Variants in MLANA observed in about 807,000 individuals in gnomAD.
MLANA encodes the protein melanoma antigen recognized by T-cells 1.
In MLANA, 21 loss-of-function variants were observed where a neutral mutation model predicts 15.7. The ratio of observed to expected loss-of-function variants is 1.33; its 90% CI spans 0.95 to 1.92. MLANA has a LOEUF of 1.92. Among genes scored for constraint, MLANA ranks in the 40% most tolerant of loss-of-function variants. The pLI is 0.00. For synonymous variants in MLANA, 56 were observed against 51.5 expected (o/e 1.09, Z -0.37); for missense variants, 164 against 143.8 (o/e 1.14, Z -0.72).
At chr9:5,908,597 A>G in intron 4 of MLANA, 43 bp from the exon 5 acceptor site, 1 of 1,514,776 alleles carries the variant, frequency 6.6e-7, no homozygotes, top group Non-Finnish European at 9.2e-7. Context: ...AGAAACACAT[A>G]CACTGTTGCC....
intron 2 of MLANA, among the ~76,000 whole-genome samples, chr9:5,895,157 A>G (rs1017722724): frequency 6.6e-6 from 1 of 152,232 alleles, no homozygotes; most frequent in Non-Finnish European, 1.5e-5. Flanking sequence ...TCAGATGGCC[A>G]AAGCTTCCAG....
chr9:5,893,908 G>GC (rs1237336207), intron 2 of MLANA, among the ~76,000 whole-genome samples: 1 of 108,220 alleles, frequency 9.2e-6, no homozygotes, highest in African/African-American at 3.8e-5. Flanking sequence ...CTCCACCCCC[G>GC]CCCCCCGCCC....
At chr9:5,901,135 A>C (rs1832394257) in intron 3 of MLANA, among the ~76,000 whole-genome samples, 1 of 152,236 alleles carries the variant, frequency 6.6e-6, no homozygotes, top group South Asian at 2.1e-4. Flanking sequence ...GAGGCTTAAA[A>C]AAAAAAGAAA....
chr9:5,905,003 G>C (rs928644997), intron 3 of MLANA, among the ~76,000 whole-genome samples: 1 of 150,820 alleles, frequency 6.6e-6, no homozygotes, highest in Admixed American at 6.6e-5. Flanking sequence ...TCAATCTCCT[G>C]ACCTCGTGAT....
At chr9:5,897,155 G>T (rs1832082158) in intron 2 of MLANA, among the ~76,000 whole-genome samples, 1 of 152,230 alleles carries the variant, frequency 6.6e-6, no homozygotes, top group Non-Finnish European at 1.5e-5. Flanking sequence ...TAGTAGATGA[G>T]TCAGTGTTAA....
intron 4 of MLANA, among the ~76,000 whole-genome samples, chr9:5,907,886 G>A (rs1275655315): frequency 1.3e-5 from 2 of 152,220 alleles, no homozygotes; most frequent in African/African-American, 2.4e-5. Context: ...CCGGGAGGTG[G>A]AGGTTGCAGT....
chr9:5,905,042 C>T (rs112758286), intron 3 of MLANA, among the ~76,000 whole-genome samples: 1,539 of 151,904 alleles, frequency 0.01, 24 homozygotes, highest in African/African-American at 0.035. Flanking sequence ...CAAAGTGCTG[C>T]GATTACAGGT....
Position 5,908,845 on chromosome 9 carries a change from A to G in MLANA, c.*137A>G, listed in dbSNP as rs543854573. On this transcript the variant is annotated 3_prime_UTR_variant, in exon 5 of 5. Transcript: ENST00000381477. ...CATCTCTAATAATAAGTCAGTGTTA[A>G]AATTTTAGTAGGTCCGCTAGCAGTA... 4.1e-6 allele frequency: 3 copies of G among 735,190 alleles called. No individual in the cohort carries two copies. The highest frequency in any genetic ancestry group is 3.6e-5 in the South Asian group (2 of 56,246). 45.5% of individuals were successfully genotyped at this position (735,190 alleles called of 1,614,324 possible).
intron 2 of MLANA, among the ~76,000 whole-genome samples, chr9:5,895,160 G>A (rs1831929774): frequency 2.6e-5 from 4 of 152,182 alleles, no homozygotes; most frequent in Admixed American, 2.6e-4. Context: ...GATGGCCAAA[G>A]CTTCCAGCAC....
intron 3 of MLANA, 44 bp downstream of exon 3, chr9:5,897,697 C>A: frequency 6.6e-7 from 1 of 1,512,596 alleles, no homozygotes; most frequent in Non-Finnish European, 9.2e-7. Flanking sequence ...AGTCCAGGGC[C>A]CTCTTTCCAG....
At chr9:5,896,301 A>G (rs1832013467) in intron 2 of MLANA, among the ~76,000 whole-genome samples, 1 of 152,232 alleles carries the variant, frequency 6.6e-6, no homozygotes, top group Non-Finnish European at 1.5e-5. Flanking sequence ...ATTGGTGCTC[A>G]ATGAATGGTA....
rs1365780498 is a variant in MLANA, at chr9:5,906,946, T to G, written c.236T>G (p.Phe79Cys). 5 of 1,598,852 alleles carry G rather than the reference T, an allele frequency of 3.1e-6. No individual in the cohort carries two copies. Among genetic ancestry groups the G allele is most frequent in the Non-Finnish European group, 4.3e-6 (5 of 1,174,066 alleles). ...ALTRRCPQEG[F>C]DHRDSKVSLQ... ...ACAAGAAGATGCCCACAAGAAGGGT[T>G]TGATCATCGGGACAGCAAAGTGTCT... Residue 79 changes from phenylalanine to cysteine, a missense_variant, in exon 4 of 5, where the codon TTT becomes TGT. Physicochemically the swap from Phe to Cys is radical, Grantham distance 205. Transcript: ENST00000381477.
rs766274281 is a variant in MLANA, at chr9:5,892,543, G to A, written c.69G>A (p.Thr23=). ...PKKGHGHSYT[T]AEEAAGIGIL... is the part of the protein sequence containing the mutation. The stretch of plus-strand genomic sequence containing the variant: ...AGGGGCACGGCCACTCTTACACCAC[G>A]GCTGAAGAGTAAGTTCAAAACCAGA... Residue 23 remains threonine (T), a synonymous_variant, in exon 2 of 5, where the codon ACG becomes ACA. Coordinates refer to ENST00000381477, the MANE Select transcript of MLANA (RefSeq NM_005511.2). 1.2e-5 allele frequency: 20 copies of A among 1,612,558 alleles called. No homozygotes were observed. Among genetic ancestry groups the A allele is most frequent in the Middle Eastern group, 1.7e-4 (1 of 5,988 alleles).
chr9:5,891,123 T>G (rs1198240963), intron 1 of MLANA, 187 bp downstream of exon 1: 2 of 152,186 alleles, frequency 1.3e-5, no homozygotes, highest in Non-Finnish European at 1.5e-5. Context: ...GAATCCTCTC[T>G]CAGTCCTCCA....
At chr9:5,891,382 T>C (rs1012145150) in intron 1 of MLANA, 4 of 152,216 alleles carry the variant, frequency 2.6e-5, no homozygotes, top group Non-Finnish European at 5.9e-5. Flanking sequence ...AGTCCTATAT[T>C]ATTCACTTGA....
rs760218624 is a variant in MLANA at position 5,892,542 on chromosome 9, C to T, written c.68C>T (p.Thr23Met). Residue 23 changes from threonine (T) to methionine (M), a missense_variant, in exon 2 of 5, where the codon ACG becomes ATG. Physicochemically the swap from Thr to Met is moderately conservative, Grantham distance 81. Coordinates refer to ENST00000381477, the MANE Select transcript of MLANA (RefSeq NM_005511.2). ...PKKGHGHSYT[T>M]AEEAAGIGIL... ...AAGGGGCACGGCCACTCTTACACCA[C>T]GGCTGAAGAGTAAGTTCAAAACCAG... 1.5e-5 allele frequency: 24 copies of T among 1,612,764 alleles called. No individual in the cohort carries two copies. In the Middle Eastern group the frequency reaches 5.0e-4, roughly 34 times the overall value.
At chr9:5,897,774 C>T in intron 3 of MLANA, 121 bp downstream of exon 3, 1 of 839,764 alleles carries the variant, frequency 1.2e-6, no homozygotes, top group East Asian at 2.5e-5. Context: ...CTGATTCCGG[C>T]TTCTGATGCC....
At chr9:5,899,007 T>C (rs1832233803) in intron 3 of MLANA, 1 of 152,150 alleles carries the variant, frequency 6.6e-6, no homozygotes, top group African/African-American at 2.4e-5. Flanking sequence ...CCTCCATGAA[T>C]GGGAAACATC....
chr9:5,902,204 T>A (rs1299828744), intron 3 of MLANA, among the ~76,000 whole-genome samples: 6 of 151,372 alleles, frequency 4.0e-5, no homozygotes, highest in African/African-American at 1.5e-4. Context: ...TCTCTTCAGA[T>A]GGTCTAGTTC....
Sources: allele counts gnomAD v4.1 joint callset (sites outside exome capture counted in the v4.1 genomes callset), GRCh38; gene constraint gnomAD v4.1.1; transcripts MANE v1.5; gene names NCBI Gene and HGNC (gene_info 2026-07-23, HGNC 2026-07-21).